The following ARID1B variants were observed in gnomAD, a reference collection of about 807,000 sequenced individuals.
ARID1B encodes AT-rich interaction domain 1B, also known as AT-rich interactive domain-containing protein 1B.
A neutral mutation model predicts 212.3 loss-of-function variants in ARID1B; 30 were observed. The observed-to-expected ratio is 0.14, with a 90% confidence interval of 0.11 to 0.19. The LOEUF (loss-of-function observed/expected upper bound fraction) is 0.19. Among genes scored for constraint, ARID1B ranks in the 10% least tolerant of loss-of-function variants. The probability of loss-of-function intolerance (pLI) is 1.00; values close to 1 mark genes in which losing one functional copy is unlikely to be tolerated. For missense variants in ARID1B, 2,891 were observed against 3,204.0 expected, an observed-to-expected ratio of 0.90 and a Z score of 2.36; for synonymous variants, 1,402 against 1,301.7, an observed-to-expected ratio of 1.08 and a Z score of -1.66.
At chr6:157,064,384 C>T (rs928663993) in intron 4 of ARID1B, among the ~76,000 whole-genome samples, 2 of 152,046 alleles carry the variant, frequency 1.3e-5, no homozygotes, top group African/African-American at 2.4e-5. Flanking sequence ...TATGTGTGTT[C>T]GTAATATTAA....
intron 16 of ARID1B, among the ~76,000 whole-genome samples, chr6:157,197,818 A>G (rs188523969): frequency 1.2e-4 from 19 of 152,352 alleles, no homozygotes; most frequent in African/African-American, 4.1e-4. Flanking sequence ...TCTCTTCTGA[A>G]AAATGTTGCT....
chr6:157,039,735 C>CCCTA (rs1369920938), intron 4 of ARID1B, among the ~76,000 whole-genome samples: 1 of 65,504 alleles, frequency 1.5e-5, no homozygotes, highest in Non-Finnish European at 2.8e-5. Context: ...TTCTTTCCCT[C>CCCTA]CCTCCCTCCC....
rs1779017165 is a variant in ARID1B at position 156,779,382 on chromosome 6, G to C, written c.1702G>C (p.Ala568Pro). 7.2e-6 allele frequency: 10 copies of C among 1,391,606 alleles called. No individual in the cohort carries two copies. The highest frequency in any genetic ancestry group is 3.0e-5 in the African/African-American group (2 of 66,456). The allele number at this position is 1,391,606 out of a possible 1,614,324, so 86.2% of individuals were successfully genotyped here. ...LGKDMGAQYA[A>P]ASPAWAAAQQ... is the part of the protein sequence containing the mutation. ...CAAGGACATGGGCGCCCAGTACGCC[G>C]CTGCCAGCCCGGCCTGGGCGGCCGC... is the stretch of plus-strand genomic sequence containing the variant. Residue 568 changes from alanine (A) to proline (P), a missense_variant, in exon 1 of 20, where the codon GCT (alanine) becomes CCT (proline). Ala to Pro is a conservative substitution (Grantham distance 27). Coordinates refer to ENST00000636930, the MANE Select transcript of ARID1B (RefSeq NM_001374828.1).
intron 2 of ARID1B, among the ~76,000 whole-genome samples, chr6:156,892,375 G>A (rs1263911404): frequency 6.6e-6 from 1 of 151,774 alleles, no homozygotes. Context: ...TCACTGATAA[G>A]CATCTAGGAT....
intron 1 of ARID1B, among the ~76,000 whole-genome samples, chr6:156,828,783 G>T (rs968584796): frequency 6.6e-6 from 1 of 152,200 alleles, no homozygotes; most frequent in Admixed American, 6.5e-5. Context: ...ATCAAGACTT[G>T]CAGACTCAGT....
intron 7 of ARID1B, among the ~76,000 whole-genome samples, chr6:157,139,924 A>G (rs1190080384): frequency 1.3e-5 from 2 of 151,608 alleles, no homozygotes; most frequent in African/African-American, 4.8e-5. Context: ...GGTTTTCACC[A>G]TGTTGGCCAA....
In ARID1B at chr6:157,208,091, A is replaced by T. The variant is rs188107152; in HGVS notation, c.*200A>T. 1 of 557,736 alleles carries T rather than the reference A, an allele frequency of 1.8e-6. No individual in the cohort carries two copies. Among genetic ancestry groups the T allele is most frequent in the Non-Finnish European group, 2.7e-6 (1 of 368,432 alleles). 34.5% of individuals were successfully genotyped at this position (557,736 alleles called of 1,614,324 possible). A position where few individuals can be genotyped will look rare whatever the true frequency, so the allele number is the denominator to read the frequency against. ...AAATTAATATTTGCTGTCTGTGTGT[A>T]TAAGTACATCCTTTGGGGTTTTTTT... On this transcript the variant is annotated 3_prime_UTR_variant, in exon 20 of 20. Coordinates refer to ENST00000636930, the MANE Select transcript of ARID1B (RefSeq NM_001374828.1).
At chr6:157,165,482 G>C (rs567911435) in intron 8 of ARID1B, among the ~76,000 whole-genome samples, 1 of 152,118 alleles carries the variant, frequency 6.6e-6, no homozygotes, top group Admixed American at 6.5e-5. Context: ...GATGGTCCAC[G>C]TTTGAACTTT....
chr6:157,071,281 A>G (rs1192285869), intron 4 of ARID1B: 1 of 152,202 alleles, frequency 6.6e-6, no homozygotes, highest in Non-Finnish European at 1.5e-5. Flanking sequence ...CACACTCTGC[A>G]GACTGATGGA....
intron 13 of ARID1B, among the ~76,000 whole-genome samples, chr6:157,188,680 T>C (rs566199429): frequency 2.0e-5 from 3 of 152,342 alleles, no homozygotes; most frequent in South Asian, 2.1e-4. Flanking sequence ...GTCTTTCTTA[T>C]CAGTTTGGTC....
At chr6:156,928,014 C>T (rs185799431) in intron 3 of ARID1B, among the ~76,000 whole-genome samples, 2 of 152,198 alleles carry the variant, frequency 1.3e-5, no homozygotes, top group East Asian at 3.9e-4. Context: ...ATCTTGAGGA[C>T]AGTAAGGAGG....
In ARID1B at chr6:156,881,538, C is replaced by T. The variant is rs114018526; in HGVS notation, c.1987-19838C>T. 5.6e-3 allele frequency among the ~76,000 whole-genome samples: 845 copies of T among 152,208 alleles called. 8 individuals carry two copies. Among genetic ancestry groups the T allele is most frequent in the African/African-American group, 0.019 (808 of 41,524 alleles). On this transcript the variant is annotated intron_variant, in intron 2 of 19. Coordinates refer to ENST00000636930, the MANE Select transcript of ARID1B (RefSeq NM_001374828.1). ...GTCTGCACAAATGGCATATTGTCTTCGGTTTTGCATCATTCCTTCTCAGAG... is the reference window on the plus strand; with the variant it reads ...GTCTGCACAAATGGCATATTGTCTTTGGTTTTGCATCATTCCTTCTCAGAG...
chr6:156,893,045 C>CTTTTTTGTTTTTTTTTTTTTTTTTT (rs1554263983), intron 2 of ARID1B, among the ~76,000 whole-genome samples: 1 of 85,924 alleles, frequency 1.2e-5, no homozygotes, highest in African/African-American at 4.7e-5. Flanking sequence ...TTTTTTCTTC[C>CTTTTTTGTTTTTTTTTTTTTTTTTT]TTTTTTTTTT....
chr6:157,064,928 A>G (rs1049017396), intron 4 of ARID1B, among the ~76,000 whole-genome samples: 2 of 152,114 alleles, frequency 1.3e-5, no homozygotes, highest in Non-Finnish European at 2.9e-5. Flanking sequence ...TTGTTGTTTT[A>G]TTAGGAACTG....
chr6:157,174,778 C>G, intron 10 of ARID1B, 69 bp from the exon 11 acceptor site: 6 of 1,215,614 alleles, frequency 4.9e-6, no homozygotes, highest in Non-Finnish European at 5.4e-6. Context: ...AGTGGATGTA[C>G]TTTTTGTTAT....
intron 6 of ARID1B, among the ~76,000 whole-genome samples, chr6:157,121,689 G>A (rs1485340479): frequency 2.1e-5 from 3 of 143,426 alleles, no homozygotes; most frequent in Non-Finnish European, 4.5e-5. Flanking sequence ...CTGGAGTGCA[G>A]TGGCGCGTCT....
At chr6:156,871,601 A>T (rs1391479525) in intron 2 of ARID1B, 7 of 1,610,702 alleles carry the variant, frequency 4.3e-6, no homozygotes, top group Non-Finnish European at 5.9e-6. Flanking sequence ...TTACTGTTTT[A>T]TCCTACTTTT....
intron 1 of ARID1B, among the ~76,000 whole-genome samples, chr6:156,798,033 C>T (rs1352314145): frequency 1.3e-5 from 2 of 152,202 alleles, no homozygotes; most frequent in African/African-American, 4.8e-5. Context: ...TGGTGACCTT[C>T]AGAGGAGTGG....
rs995863053 is a variant in ARID1B at position 156,778,045 on chromosome 6, C to T, written c.365C>T (p.Ser122Phe). Residue 122 changes from serine (S) to phenylalanine (F), a missense_variant, in exon 1 of 20, where the codon TCC becomes TTC. Physicochemically the swap from Ser to Phe is radical, Grantham distance 155 (BLOSUM62 -2). Transcript: ENST00000636930. Reference protein sequence around the residue: ...GSAAALSSSSSSSAAAAAASS... With the variant: ...GSAAALSSSSFSSAAAAAASS... ...GCCGCCGCGCTGTCCTCCTCCTCCT[C>T]CTCCTCCGCGGCGGCAGCGGCGGCA... 27 of 1,536,514 alleles carry T rather than the reference C, an allele frequency of 1.8e-5. No homozygotes were observed. The highest frequency in any genetic ancestry group is 1.2e-4 in the East Asian group (5 of 40,744).
Sources: allele counts gnomAD v4.1 joint callset (sites outside exome capture counted in the v4.1 genomes callset), GRCh38; gene constraint gnomAD v4.1.1; transcripts MANE v1.5; gene names NCBI Gene and HGNC (gene_info 2026-07-23, HGNC 2026-07-21).